The following PTPRZ1 variants were observed in gnomAD, a reference collection of about 807,000 sequenced individuals.
PTPRZ1 encodes receptor-type tyrosine-protein phosphatase zeta.
Under a neutral mutation model 214.1 loss-of-function variants are expected in PTPRZ1, and 82 were observed. That is an observed-to-expected ratio of 0.38 (90% CI 0.32 to 0.46). The LOEUF (loss-of-function observed/expected upper bound fraction) is 0.46. Ranked by LOEUF, PTPRZ1 falls within the 20% of genes least tolerant of loss-of-function variation. The pLI, the probability that PTPRZ1 is intolerant of heterozygous loss-of-function variation, is 1.00. For missense variants in PTPRZ1, 2,603 were observed against 2,748.7 expected, an observed-to-expected ratio of 0.95 and a Z score of 1.19; for synonymous variants, 945 against 987.9, an observed-to-expected ratio of 0.96 and a Z score of 0.81.
chr7:121,914,901 T>C (rs1046169398), intron 1 of PTPRZ1, among the ~76,000 whole-genome samples: 1 of 152,176 alleles, frequency 6.6e-6, no homozygotes, highest in African/African-American at 2.4e-5. Flanking sequence ...GTGAAAAGTT[T>C]CCAAGGTTTT....
chr7:121,957,025 G>T (rs934140720), intron 2 of PTPRZ1, among the ~76,000 whole-genome samples: 2 of 152,066 alleles, frequency 1.3e-5, no homozygotes, highest in African/African-American at 4.8e-5. Flanking sequence ...CAAACTGTAC[G>T]GTCACCAGTG....
chr7:122,058,348 A>G (rs539057418), intron 27 of PTPRZ1, among the ~76,000 whole-genome samples: 15 of 152,080 alleles, frequency 9.9e-5, no homozygotes, highest in African/African-American at 3.6e-4. Context: ...CTAGATCTCT[A>G]CCTCCTTGTC....
chr7:121,925,327 G>C (rs1018965355), intron 1 of PTPRZ1, among the ~76,000 whole-genome samples: 1 of 152,090 alleles, frequency 6.6e-6, no homozygotes, highest in Non-Finnish European at 1.5e-5. Flanking sequence ...TAAATAACTA[G>C]CATTTTATGG....
At chr7:122,007,502 C>T (rs894514703) in intron 11 of PTPRZ1, among the ~76,000 whole-genome samples, 1 of 152,096 alleles carries the variant, frequency 6.6e-6, no homozygotes, top group Non-Finnish European at 1.5e-5. Context: ...AATATGTCTT[C>T]CTGGAGCATG....
chr7:122,036,671 A>G lies in PTPRZ1; in HGVS notation c.5356A>G (p.Asn1786Asp), dbSNP rs935373632. The G allele has an allele frequency of 5.0e-6, 8 of 1,599,894 alleles. No individual in the cohort carries two copies. The highest frequency in any genetic ancestry group is 1.7e-5 in the Admixed American group (1 of 59,954). ...DGKLTDYINA[N>D]YVDGYNRPKA... ...CAAACTGACTGATTATATCAATGCC[A>G]ATTATGTTGATGTAAGCATGTTTTA... The change falls in exon 18 of 30, where the codon AAT becomes GAT. Residue 1786 changes from asparagine (N) to aspartate (D), a missense_variant. Asn to Asp is a conservative substitution (Grantham distance 23). Coordinates refer to ENST00000393386, the MANE Select transcript of PTPRZ1 (RefSeq NM_002851.3).
rs988232645 is a variant in PTPRZ1 at position 122,059,425 on chromosome 7, T to C, written c.6672-328T>C. On this transcript the variant is annotated intron_variant, in intron 28 of 29. Transcript: ENST00000393386. ...ATACAGTTTGTTATATATGTATTTA[T>C]ACATTATATTATATGTGTATTATAC... 6 of 181,388 alleles carry C rather than the reference T, an allele frequency of 3.3e-5. No individual in the cohort carries two copies. In the East Asian group the frequency reaches 8.5e-4, roughly 26 times the overall value. 11.2% of individuals were successfully genotyped at this position (181,388 alleles called of 1,614,324 possible).
intron 1 of PTPRZ1, among the ~76,000 whole-genome samples, chr7:121,874,861 C>T (rs1039990385): frequency 3.3e-5 from 5 of 152,034 alleles, no homozygotes; most frequent in Non-Finnish European, 7.4e-5. Flanking sequence ...TTAAAAAGTA[C>T]GTGGTCATCA....
At chr7:122,022,094 TGTC>T (rs1393664011) in intron 13 of PTPRZ1, among the ~76,000 whole-genome samples, 1 of 152,200 alleles carries the variant, frequency 6.6e-6, no homozygotes, top group East Asian at 1.9e-4. Flanking sequence ...AAAAATCTAA[TGTC>T]GTACCAATAA....
intron 16 of PTPRZ1, 49 bp downstream of exon 16, chr7:122,034,164 A>G: frequency 6.4e-7 from 1 of 1,572,068 alleles, no homozygotes; most frequent in Non-Finnish European, 8.7e-7. Context: ...AGTAGTTGTA[A>G]CTTTTAAAAA....
At chr7:121,943,650 T>C (rs1409148911) in intron 2 of PTPRZ1, among the ~76,000 whole-genome samples, 1 of 152,162 alleles carries the variant, frequency 6.6e-6, no homozygotes, top group East Asian at 1.9e-4. Context: ...TAATGGAGAA[T>C]TTAAAGCAGT....
chr7:121,909,056 T>C, intron 1 of PTPRZ1: 2 of 453,562 alleles, frequency 4.4e-6, no homozygotes, highest in Non-Finnish European at 8.8e-6. Context: ...ATTTGCTTGC[T>C]CTCTTCTACC....
At chr7:121,955,532 AT>A (rs1796679426) in intron 2 of PTPRZ1, among the ~76,000 whole-genome samples, 3 of 152,122 alleles carry the variant, frequency 2.0e-5, no homozygotes, top group Admixed American at 6.5e-5. Context: ...ATCTCACTCC[AT>A]TTCTCTCATA....
chr7:121,905,650 TAC>T (rs10528167), intron 1 of PTPRZ1, among the ~76,000 whole-genome samples: 1,543 of 145,102 alleles, frequency 0.011, 22 homozygotes, highest in African/African-American at 0.034. Flanking sequence ...TTCTATTCTT[TAC>T]ACACACACAC....
chr7:122,023,850 TAAA>T lies in PTPRZ1; in HGVS notation c.4988+4592_4988+4594del, dbSNP rs55791364. 4.8e-3 allele frequency among the ~76,000 whole-genome samples: 636 copies of T among 131,232 alleles called. 15 individuals are homozygous for T. Among genetic ancestry groups the T allele is most frequent in the East Asian group, 0.03 (143 of 4,794 alleles). 86.1% of individuals were successfully genotyped at this position (131,232 alleles called of 152,430 possible). ...AATTTTATATATAATTATATATATA[TAAA>T]AAAAAAAAAGATTGTAGCCAGACCC... On this transcript the variant is annotated intron_variant, in intron 13 of 29. Transcript: ENST00000393386.
At chr7:122,044,662 G>A (rs1031381018) in intron 23 of PTPRZ1, 94 bp downstream of exon 23, 3 of 1,320,664 alleles carry the variant, frequency 2.3e-6, no homozygotes, top group Non-Finnish European at 2.1e-6. Flanking sequence ...TGAGTGGGCA[G>A]TATGGGTACA....
intron 10 of PTPRZ1, among the ~76,000 whole-genome samples, chr7:122,001,182 TA>T: frequency 6.6e-6 from 1 of 152,240 alleles, no homozygotes; most frequent in African/African-American, 2.4e-5. Flanking sequence ...AATTGTCGTT[TA>T]AAAAAATGTG....
At chr7:122,050,444 AGAGGGGAGGGAAAAGGAGAGGAGGG>A (rs1792139107) in intron 23 of PTPRZ1, among the ~76,000 whole-genome samples, 2 of 35,726 alleles carry the variant, frequency 5.6e-5, no homozygotes, top group Non-Finnish European at 1.0e-4. Context: ...GAAGGGGAGG[AGAGGGGAGGGAAAAGGAGAGGAGGG>A]GAGGGGAGGA....
intron 1 of PTPRZ1, among the ~76,000 whole-genome samples, chr7:121,925,493 A>C (rs958893966): frequency 6.6e-6 from 1 of 152,234 alleles, no homozygotes; most frequent in African/African-American, 2.4e-5. Context: ...GGATGAATAA[A>C]ATATGGTATA....
intron 5 of PTPRZ1, 70 bp from the exon 6 acceptor site, chr7:121,976,715 C>G (rs2116543967): frequency 8.2e-7 from 1 of 1,219,152 alleles, no homozygotes; most frequent in African/African-American, 1.6e-5. Flanking sequence ...ATTCATTAAT[C>G]TTCACATTTT....
Sources: gnomAD v4.1 joint callset for allele counts (sites outside exome capture counted in the v4.1 genomes callset) on GRCh38, gnomAD v4.1.1 for gene constraint, MANE v1.5 for transcripts, NCBI Gene and HGNC (gene_info 2026-07-23, HGNC 2026-07-21) for gene names.